TFDP1: variants seen among roughly 807,000 people sequenced by gnomAD.
TFDP1 encodes the protein DRTF1-polypeptide 1.
A neutral mutation model predicts 48.0 loss-of-function variants in TFDP1; 6 were observed. The ratio of observed to expected loss-of-function variants is 0.13; its 90% CI spans 0.07 to 0.25. The LOEUF (loss-of-function observed/expected upper bound fraction) is 0.25, where lower values mean the gene tolerates loss of function less well. Ranked by LOEUF, TFDP1 falls within the 10% of genes least tolerant of loss-of-function variation. The pLI is 1.00. For synonymous variants in TFDP1, 201 were observed against 211.6 expected, an observed-to-expected ratio of 0.95 and a Z score of 0.44; for missense variants, 335 against 543.0, an observed-to-expected ratio of 0.62 and a Z score of 3.81.
intron 2 of TFDP1, among the ~76,000 whole-genome samples, chr13:113,592,404 G>C (rs1162466472): frequency 6.6e-6 from 1 of 152,198 alleles, no homozygotes; most frequent in African/African-American, 2.4e-5. Flanking sequence ...TGATCCGCCC[G>C]CCTTGGCCTC....
At chr13:113,634,393 A>G (rs1489757277) in intron 7 of TFDP1, 141 bp from the exon 8 acceptor site, 2 of 723,294 alleles carry the variant, frequency 2.8e-6, no homozygotes, top group East Asian at 5.0e-5. Flanking sequence ...AGCACCTGCT[A>G]TGTCTAGATT....
rs915586349 is a variant in TFDP1 at position 113,613,612 on chromosome 13, G to A, written c.79+2550G>A. Among the ~76,000 whole-genome samples, 29 of 134,802 alleles carry A rather than the reference G, an allele frequency of 2.2e-4. 2 individuals are homozygous for A. The highest frequency in any genetic ancestry group is 8.0e-4 in the African/African-American group (25 of 31,156). 88.4% of individuals were successfully genotyped at this position (134,802 alleles called of 152,430 possible). A position where few individuals can be genotyped will look rare whatever the true frequency, so the allele number is the denominator to read the frequency against. ...AGTGTGTGTGTGTATGCGTGAATGC[G>A]TGGGTATGTGAGGAGTGTGTGTGCA... On this transcript the variant is annotated intron_variant, in intron 3 of 11. Transcript: ENST00000375370.
chr13:113,636,696 G>C lies in TFDP1; in HGVS notation c.1002G>C (p.Val334=). 1 of 1,609,080 alleles carries C rather than the reference G, an allele frequency of 6.2e-7. No individual in the cohort carries two copies. The highest frequency in any genetic ancestry group is 1.1e-5 in the South Asian group (1 of 91,062). ...TCCCCAAGGCTCTGGAGCCATACGT[G>C]ACAGGTCAGCAATGCCCAGACAACC... ...SLVPKALEPY[V]TEMAQGTVGG... Residue 334 remains valine (V), a synonymous_variant, in exon 10 of 12, where the codon GTG becomes GTC. Transcript: ENST00000375370.
intron 2 of TFDP1, among the ~76,000 whole-genome samples, chr13:113,597,087 C>T (rs2048306029): frequency 6.6e-6 from 1 of 152,064 alleles, no homozygotes; most frequent in South Asian, 2.1e-4. Flanking sequence ...CCGGGGTTGC[C>T]GCTCCGTTCT....
At chr13:113,624,841 TTCTC>T (rs1439713560) in intron 4 of TFDP1, among the ~76,000 whole-genome samples, 4 of 106,908 alleles carry the variant, frequency 3.7e-5, no homozygotes, top group Admixed American at 3.6e-4. Flanking sequence ...CCTCAGGTGT[TTCTC>T]AGGTGTCTCT....
chr13:113,626,352 C>G (rs1033199538), intron 4 of TFDP1, among the ~76,000 whole-genome samples: 1 of 152,196 alleles, frequency 6.6e-6, no homozygotes, highest in Non-Finnish European at 1.5e-5. Context: ...ATATGCATTC[C>G]TGCTATTTCC....
At chr13:113,605,951 G>A (rs1481427999) in intron 2 of TFDP1, among the ~76,000 whole-genome samples, 1 of 149,068 alleles carries the variant, frequency 6.7e-6, no homozygotes, top group Non-Finnish European at 1.5e-5. Flanking sequence ...GCGGCGCGGT[G>A]GTGAGTGTCC....
At chr13:113,594,019 G>A (rs1266265319) in intron 2 of TFDP1, among the ~76,000 whole-genome samples, 2 of 143,220 alleles carry the variant, frequency 1.4e-5, no homozygotes, top group African/African-American at 5.3e-5. Context: ...GGTGACAGTT[G>A]TGCTGTGTGC....
intron 10 of TFDP1, 137 bp from the exon 11 acceptor site, chr13:113,637,681 T>C (rs1184866361): frequency 1.3e-6 from 2 of 1,553,874 alleles, no homozygotes; most frequent in African/African-American, 1.4e-5. Context: ...GTGTGGAAAA[T>C]ACTGGACAAG....
intron 2 of TFDP1, among the ~76,000 whole-genome samples, chr13:113,591,356 A>G (rs886073012): frequency 6.6e-6 from 1 of 152,006 alleles, no homozygotes; most frequent in Non-Finnish European, 1.5e-5. Flanking sequence ...AAAAAAAAAA[A>G]GAAAAAAGTT....
chr13:113,621,633 T>C (rs564987561), intron 3 of TFDP1, among the ~76,000 whole-genome samples: 1 of 152,220 alleles, frequency 6.6e-6, no homozygotes, highest in South Asian at 2.1e-4. Flanking sequence ...AGAAGACGAG[T>C]GCGAGCCTTC....
rs554962207 is a variant in TFDP1, at chr13:113,609,709, T to C, written c.13-1287T>C. Among the ~76,000 whole-genome samples the C allele has an allele frequency of 8.3e-4, 126 of 152,132 alleles. 1 individual carries two copies. Among genetic ancestry groups the C allele is most frequent in the Middle Eastern group, 3.4e-3 (1 of 294 alleles). On this transcript the variant is annotated intron_variant, in intron 2 of 11. Coordinates refer to ENST00000375370, the MANE Select transcript of TFDP1 (RefSeq NM_007111.5). The stretch of plus-strand genomic sequence containing the variant: ...TGTTACCTGGGTGGCACCAGGGGGT[T>C]GTGGCGTCTCCTTGTTCCCATGGTG...
chr13:113,609,794 C>T (rs955752468), intron 2 of TFDP1, among the ~76,000 whole-genome samples: 3 of 152,160 alleles, frequency 2.0e-5, no homozygotes, highest in African/African-American at 2.4e-5. Context: ...CAACCCTCAT[C>T]GCTGCCCCCC....
intron 2 of TFDP1, among the ~76,000 whole-genome samples, chr13:113,597,837 G>C (rs1251098350): frequency 6.6e-6 from 1 of 152,164 alleles, no homozygotes; most frequent in Admixed American, 6.5e-5. Context: ...ACACGCTGGG[G>C]ACTCTGCGGC....
At chr13:113,621,283 A>C (rs1015593214) in intron 3 of TFDP1, among the ~76,000 whole-genome samples, 1 of 152,092 alleles carries the variant, frequency 6.6e-6, no homozygotes, top group Non-Finnish European at 1.5e-5. Flanking sequence ...TGTGACCCGA[A>C]AGTCTGTGTT....
At chr13:113,601,632 GCT>G (rs1016256135) in intron 2 of TFDP1, among the ~76,000 whole-genome samples, 1 of 152,234 alleles carries the variant, frequency 6.6e-6, no homozygotes, top group African/African-American at 2.4e-5. Context: ...TCCCAGGTGT[GCT>G]CTCCAGGGTC....
chr13:113,627,434 C>T lies in TFDP1; in HGVS notation c.186+4148C>T, dbSNP rs1294651814. On this transcript the variant is annotated intron_variant, in intron 4 of 11. Coordinates refer to ENST00000375370, the MANE Select transcript of TFDP1 (RefSeq NM_007111.5). This position sits in a 1 kb window ranked among gnomAD's most constrained non-coding sequence, Gnocchi z 4.1. ...TGTCCCAGAAGTCGGCATCTGTGGT[C>T]GCAGTGGCCTTTCCTTTGCAGCTGC... is the stretch of plus-strand genomic sequence containing the variant. Among the ~76,000 whole-genome samples, 1 of 152,186 alleles carries T rather than the reference C, an allele frequency of 6.6e-6. No homozygotes were observed. The highest frequency in any genetic ancestry group is 2.4e-5 in the African/African-American group (1 of 41,442).
intron 2 of TFDP1, among the ~76,000 whole-genome samples, chr13:113,592,037 A>G (rs907704810): frequency 7.2e-5 from 11 of 152,216 alleles, no homozygotes; most frequent in African/African-American, 2.7e-4. Context: ...GACAGGGACT[A>G]TGGCTTTTAA....
rs748593358 is a variant in TFDP1, at chr13:113,631,718, T to G, written c.282T>G (p.Pro94=). 4.5e-5 allele frequency: 73 copies of G among 1,614,026 alleles called. No individual in the cohort carries two copies. Among genetic ancestry groups the G allele is most frequent in the Non-Finnish European group, 1.0e-5 (12 of 1,180,008 alleles). ...CTCACTTTGCCTCTCAGAACCAGCC[T>G]TCCGACTCCTCACCTTGGTCTGCCG... ...PSTHFASQNQ[P]SDSSPWSAGK... is the part of the protein sequence containing the mutation. The change falls in exon 5 of 12, where the codon CCT becomes CCG. Residue 94 remains proline (P), a synonymous_variant. Coordinates refer to ENST00000375370, the MANE Select transcript of TFDP1 (RefSeq NM_007111.5).
Sources: allele counts gnomAD v4.1 joint callset (sites outside exome capture counted in the v4.1 genomes callset), GRCh38; gene constraint gnomAD v4.1.1; non-coding constraint Gnocchi (gnomAD v3.1); transcripts MANE v1.5; gene names NCBI Gene and HGNC (gene_info 2026-07-23, HGNC 2026-07-21).